MARCHF3: variants seen among roughly 807,000 people sequenced by gnomAD.
MARCHF3 encodes the protein membrane associated ring-CH-type finger 3.
A neutral mutation model predicts 24.2 loss-of-function variants in MARCHF3; 13 were observed. The ratio of observed to expected loss-of-function variants is 0.54; its 90% confidence interval spans 0.35 to 0.85. The LOEUF is 0.85. MARCHF3 is among the 40% of genes least tolerant of loss of function. The pLI is 0.01. For synonymous variants in MARCHF3, 144 were observed against 137.3 expected (o/e 1.05, Z -0.34); for missense variants, 276 against 325.0 (o/e 0.85, Z 1.16).
chr5:126,912,806 G>A (rs1290510563), intron 3 of MARCHF3, among the ~76,000 whole-genome samples: 2 of 152,174 alleles, frequency 1.3e-5, no homozygotes, highest in African/African-American at 2.4e-5. Flanking sequence ...ATGATCAAAC[G>A]GCCAGCCTCC....
chr5:126,938,798 C>T (rs1183853952), intron 1 of MARCHF3, among the ~76,000 whole-genome samples: 2 of 152,176 alleles, frequency 1.3e-5, no homozygotes, highest in South Asian at 2.1e-4. Flanking sequence ...TGAGGAAAAT[C>T]ACTTCACATG....
chr5:126,946,761 G>GGTGTGTGTGTGTGTGTGTGTGTGT (rs58269583), intron 1 of MARCHF3, among the ~76,000 whole-genome samples: 4 of 135,946 alleles, frequency 2.9e-5, no homozygotes, highest in South Asian at 2.4e-4. Flanking sequence ...TGTAAGTAGG[G>GGTGTGTGTGTGTGTGTGTGTGTGT]GTGTGTGTGT....
At chr5:126,969,309 C>T (rs1258314713) in intron 1 of MARCHF3, among the ~76,000 whole-genome samples, 3 of 152,086 alleles carry the variant, frequency 2.0e-5, no homozygotes, top group African/African-American at 4.8e-5. Context: ...TTTTTTTGGT[C>T]TACTTTAGGG....
At chr5:126,890,810 G>C (rs1753663390) in intron 3 of MARCHF3, among the ~76,000 whole-genome samples, 1 of 149,190 alleles carries the variant, frequency 6.7e-6, no homozygotes, top group Admixed American at 6.6e-5. Context: ...CCCAGTAATG[G>C]GATGGCTGGG....
chr5:126,965,043 G>A (rs80247101), intron 1 of MARCHF3, among the ~76,000 whole-genome samples: 1 of 150,888 alleles, frequency 6.6e-6, no homozygotes, highest in Non-Finnish European at 1.5e-5. Flanking sequence ...AAAAAAAAGA[G>A]GGAATTTACA....
At position 127,010,077 on chromosome 5, in the gene MARCHF3, G is replaced by C. The variant is rs77499612; in HGVS notation, c.-57+20273C>G. On this transcript the variant is annotated intron_variant, in intron 1 of 4. Coordinates refer to ENST00000308660, the MANE Select transcript of MARCHF3 (RefSeq NM_178450.5). ...GACTTTCTACATCCATCTCCAGTCA[G>C]AGACAGTGCCTAGACCACTCAGGGT... Among the ~76,000 whole-genome samples the C allele has an allele frequency of 4.6e-3, 700 of 152,268 alleles. 4 individuals carry two copies. The highest frequency in any genetic ancestry group is 0.034 in the Middle Eastern group (10 of 294).
chr5:126,904,261 C>T (rs1754209215), intron 3 of MARCHF3, among the ~76,000 whole-genome samples: 1 of 149,964 alleles, frequency 6.7e-6, no homozygotes, highest in African/African-American at 2.5e-5. Flanking sequence ...GTGAATAATG[C>T]CGCAATAAAC....
chr5:126,885,334 G>GA (rs2126771741), intron 3 of MARCHF3, among the ~76,000 whole-genome samples: 1 of 152,306 alleles, frequency 6.6e-6, no homozygotes, highest in Non-Finnish European at 1.5e-5. Context: ...TTGGGAGGCT[G>GA]AGGCAGGTGG....
chr5:126,973,713 A>G (rs1402952887), intron 1 of MARCHF3, among the ~76,000 whole-genome samples: 1 of 152,210 alleles, frequency 6.6e-6, no homozygotes, highest in Non-Finnish European at 1.5e-5. Flanking sequence ...TAAAGCAGTA[A>G]GTTATCCGTA....
chr5:126,962,110 T>C (rs560468956), intron 1 of MARCHF3, among the ~76,000 whole-genome samples: 92 of 152,204 alleles, frequency 6.0e-4, no homozygotes, highest in African/African-American at 2.1e-3. Flanking sequence ...AAGAAACAAA[T>C]ATATGGGTCT....
At chr5:127,011,328 C>T (rs538597817) in intron 1 of MARCHF3, among the ~76,000 whole-genome samples, 184 of 152,192 alleles carry the variant, frequency 1.2e-3, no homozygotes, top group African/African-American at 4.3e-3. Context: ...ATGCAGTCAT[C>T]GCGGCATGCC....
At chr5:126,879,447 T>C (rs1172420841) in intron 3 of MARCHF3, among the ~76,000 whole-genome samples, 1 of 152,190 alleles carries the variant, frequency 6.6e-6, no homozygotes, top group African/African-American at 2.4e-5. Context: ...ACCTCCTCAC[T>C]TAGGACCACC....
At chr5:126,975,388 T>C (rs566933425) in intron 1 of MARCHF3, among the ~76,000 whole-genome samples, 1 of 152,386 alleles carries the variant, frequency 6.6e-6, no homozygotes, top group African/African-American at 2.4e-5. Context: ...ATATTTCTGG[T>C]GTACAATGAG....
intron 1 of MARCHF3, among the ~76,000 whole-genome samples, chr5:126,929,923 T>G (rs1238109103): frequency 6.6e-6 from 1 of 152,208 alleles, no homozygotes; most frequent in Non-Finnish European, 1.5e-5. Flanking sequence ...AAGACGTGAC[T>G]GTGCTCCTCC....
intron 1 of MARCHF3, among the ~76,000 whole-genome samples, chr5:127,020,605 C>T (rs1275964841): frequency 6.6e-6 from 1 of 152,124 alleles, no homozygotes; most frequent in African/African-American, 2.4e-5. Flanking sequence ...AATCCCAGCA[C>T]TTTGGGAGGC....
intron 1 of MARCHF3, among the ~76,000 whole-genome samples, chr5:126,969,521 C>A (rs1046916814): frequency 5.3e-5 from 8 of 152,180 alleles, no homozygotes; most frequent in African/African-American, 1.9e-4. Context: ...TAGAGCCCCA[C>A]AGTTCTAACA....
intron 1 of MARCHF3, among the ~76,000 whole-genome samples, chr5:126,945,394 C>A (rs1749976152): frequency 6.6e-6 from 1 of 152,170 alleles, no homozygotes; most frequent in Admixed American, 6.5e-5. Flanking sequence ...GAGGCACTTG[C>A]CACAGTTATG....
At chr5:126,889,317 C>T (rs919904171) in intron 3 of MARCHF3, among the ~76,000 whole-genome samples, 3 of 151,854 alleles carry the variant, frequency 2.0e-5, no homozygotes, top group East Asian at 3.9e-4. Context: ...GATGAGAATA[C>T]GATAAATAAC....
chr5:126,907,993 G>A (rs1238900201), intron 3 of MARCHF3, among the ~76,000 whole-genome samples: 1 of 151,976 alleles, frequency 6.6e-6, no homozygotes, highest in Admixed American at 6.6e-5. Flanking sequence ...ACTTCCTTCA[G>A]GAGCTCTTTT....
Sources: allele counts gnomAD v4.1 joint callset (sites outside exome capture counted in the v4.1 genomes callset), GRCh38; gene constraint gnomAD v4.1.1; transcripts MANE v1.5; gene names NCBI Gene and HGNC (gene_info 2026-07-23, HGNC 2026-07-21).